COL5A2: variants seen among roughly 807,000 people sequenced by gnomAD.
COL5A2 encodes collagen type V alpha 2 chain.
A neutral mutation model predicts 208.2 loss-of-function variants in COL5A2; 23 were observed. The ratio of observed to expected loss-of-function variants is 0.11; its 90% confidence interval spans 0.08 to 0.16. COL5A2 has a LOEUF of 0.16. Among genes scored for constraint, COL5A2 ranks in the 10% least tolerant of loss-of-function variants. The pLI is 1.00. For missense variants in COL5A2, 1,590 were observed against 1,956.4 expected (o/e 0.81, Z 3.53); for synonymous variants, 625 against 628.5 (o/e 0.99, Z 0.08).
chr2:189,328,227 A>G, the COL5A2 span, among the ~76,000 whole-genome samples: 9 of 152,278 alleles, frequency 5.9e-5, no homozygotes, highest in African/African-American at 1.9e-4. Context: ...TCACTAACTG[A>G]TATTTAACTA....
At position 189,057,290 on chromosome 2, in the gene COL5A2, G is replaced by GAAAAAAAAAAAAAAAAA. The variant is rs34715449; in HGVS notation, c.2337+13_2337+29dup. 42 of 710,632 alleles carry GAAAAAAAAAAAAAAAAA rather than the reference G, an allele frequency of 5.9e-5. 6 individuals are homozygous for GAAAAAAAAAAAAAAAAA. Among genetic ancestry groups the GAAAAAAAAAAAAAAAAA allele is most frequent in the Admixed American group, 1.8e-4 (6 of 33,282 alleles). The allele number at this position is 710,632 out of a possible 1,614,324, so 44.0% of individuals were successfully genotyped here. On this transcript the variant is annotated intron_variant, in intron 34 of 53. Coordinates refer to ENST00000374866, the MANE Select transcript of COL5A2 (RefSeq NM_000393.5). ...AGCAGAAAGTCTGAATAAATGAACT[G>GAAAAAAAAAAAAAAAAA]AAAAAAAAAAAAAAAAAAAAAGGAC...
At chr2:189,236,592 T>G in the COL5A2 span, among the ~76,000 whole-genome samples, 1 of 151,778 alleles carries the variant, frequency 6.6e-6, no homozygotes, top group Non-Finnish European at 1.5e-5. Context: ...GGTTTTAATT[T>G]GCAATTTACT....
chr2:189,106,941 T>C (rs921240478), intron 2 of COL5A2, among the ~76,000 whole-genome samples: 1 of 151,436 alleles, frequency 6.6e-6, no homozygotes, highest in African/African-American at 2.4e-5. Context: ...CACTTTTTCA[T>C]GAATAATTAC....
At chr2:189,417,997 T>C in the COL5A2 span, among the ~76,000 whole-genome samples, 1 of 152,174 alleles carries the variant, frequency 6.6e-6, no homozygotes, top group Non-Finnish European at 1.5e-5. Flanking sequence ...TTTATTTGTA[T>C]TGAAATCTTG....
At chr2:189,438,738 G>A in the COL5A2 span, among the ~76,000 whole-genome samples, 1 of 152,152 alleles carries the variant, frequency 6.6e-6, no homozygotes. Context: ...TCCTATTTGT[G>A]ATGGTGGATA....
At chr2:189,090,519 A>T (rs1012258298) in intron 7 of COL5A2, among the ~76,000 whole-genome samples, 5 of 152,252 alleles carry the variant, frequency 3.3e-5, no homozygotes, top group Non-Finnish European at 7.3e-5. Flanking sequence ...TACACAAAAC[A>T]GCCTTCTGTT....
intron 1 of COL5A2, among the ~76,000 whole-genome samples, chr2:189,110,824 T>A (rs558062306): frequency 6.6e-6 from 1 of 152,076 alleles, no homozygotes; most frequent in Non-Finnish European, 1.5e-5. Context: ...AAGGAGAATA[T>A]AAAATTTGAA....
intron 21 of COL5A2, among the ~76,000 whole-genome samples, chr2:189,067,121 C>A (rs953657593): frequency 6.6e-6 from 1 of 152,028 alleles, no homozygotes; most frequent in Non-Finnish European, 1.5e-5. Flanking sequence ...ATGACAATTT[C>A]TATAGATAAA....
the COL5A2 span, among the ~76,000 whole-genome samples, chr2:189,298,354 C>T: frequency 6.6e-6 from 1 of 152,116 alleles, no homozygotes; most frequent in Non-Finnish European, 1.5e-5. Flanking sequence ...TGAAGAGTTC[C>T]CTTATAACAT....
the COL5A2 span, among the ~76,000 whole-genome samples, chr2:189,409,096 A>C: frequency 2.0e-5 from 3 of 151,668 alleles, no homozygotes; most frequent in South Asian, 6.2e-4. Flanking sequence ...AAATCACCGT[A>C]GGTTTTTGTT....
chr2:189,387,955 T>C, the COL5A2 span, among the ~76,000 whole-genome samples: 1 of 152,116 alleles, frequency 6.6e-6, no homozygotes, highest in Non-Finnish European at 1.5e-5. Context: ...TGCCTAATTT[T>C]TGTATTTTTT....
At chr2:189,220,944 C>G (rs1295434846) in intron 1 of COL5A2, among the ~76,000 whole-genome samples, 1 of 152,130 alleles carries the variant, frequency 6.6e-6, no homozygotes, top group Non-Finnish European at 1.5e-5. Context: ...TCTCTGAGCT[C>G]AGGGTTTTTT....
intron 6 of COL5A2, among the ~76,000 whole-genome samples, chr2:189,095,558 T>G (rs1686891446): frequency 6.6e-6 from 1 of 151,788 alleles, no homozygotes; most frequent in African/African-American, 2.4e-5. Context: ...CAATTCACAT[T>G]GATTGTCTCA....
At chr2:189,067,809 T>C (rs1180739994) in intron 21 of COL5A2, among the ~76,000 whole-genome samples, 2 of 152,186 alleles carry the variant, frequency 1.3e-5, no homozygotes, top group East Asian at 3.8e-4. Context: ...CACTAAAATT[T>C]AACATACTGC....
chr2:189,389,810 C>T, the COL5A2 span, among the ~76,000 whole-genome samples: 1 of 152,164 alleles, frequency 6.6e-6, no homozygotes, highest in Non-Finnish European at 1.5e-5. Context: ...CTGAAGATCA[C>T]TGCAATGGAC....
intron 1 of COL5A2, among the ~76,000 whole-genome samples, chr2:189,127,150 A>G (rs1235422011): frequency 6.6e-6 from 1 of 152,056 alleles, no homozygotes. Context: ...TTATCCAGAA[A>G]CGATTTGTAA....
chr2:189,097,439 T>A (rs753101647), intron 5 of COL5A2, 109 bp from the exon 6 acceptor site: 186 of 1,090,552 alleles, frequency 1.7e-4, no homozygotes, highest in Non-Finnish European at 2.5e-4. Flanking sequence ...CCACACTTAA[T>A]TCAGTTCAGT....
chr2:189,178,623 T>A (rs1217837288), intron 1 of COL5A2, among the ~76,000 whole-genome samples: 5 of 151,656 alleles, frequency 3.3e-5, no homozygotes, highest in African/African-American at 9.7e-5. Flanking sequence ...AGCTATGCAT[T>A]TTTGCTTAAC....
intron 7 of COL5A2, among the ~76,000 whole-genome samples, chr2:189,089,601 T>C (rs1259259409): frequency 6.6e-6 from 1 of 152,194 alleles, no homozygotes; most frequent in Non-Finnish European, 1.5e-5. Context: ...ATATTATGTT[T>C]ATTACAAATT....
Sources: gnomAD v4.1 joint callset for allele counts (sites outside exome capture counted in the v4.1 genomes callset) on GRCh38, gnomAD v4.1.1 for gene constraint, MANE v1.5 for transcripts, NCBI Gene and HGNC (gene_info 2026-07-23, HGNC 2026-07-21) for gene names.